Variants in COL22A1 observed in about 807,000 individuals in gnomAD.
COL22A1 encodes the protein collagen alpha-1(XXII) chain.
COL22A1 carries 221 observed loss-of-function variants against 248.9 expected under a neutral mutation model. That is an observed-to-expected ratio of 0.89 (90% CI 0.80 to 0.99). The LOEUF (loss-of-function observed/expected upper bound fraction) is 0.99, where lower values mean the gene tolerates loss of function less well. Ranked by LOEUF, COL22A1 falls within the 50% of genes least tolerant of loss-of-function variation. COL22A1 has a pLI of 0.00. For missense variants in COL22A1, 2,240 were observed against 2,179.0 expected, an observed-to-expected ratio of 1.03 and a Z score of -0.56; for synonymous variants, 891 against 793.4, an observed-to-expected ratio of 1.12 and a Z score of -2.07.
intron 23 of COL22A1, among the ~76,000 whole-genome samples, chr8:138,736,553 A>T (rs1831125064): frequency 6.6e-6 from 1 of 152,020 alleles, no homozygotes; most frequent in Non-Finnish European, 1.5e-5. Context: ...CATCTATGAC[A>T]TGGGGACAAG....
chr8:138,661,379 T>A (rs182552547), intron 43 of COL22A1, among the ~76,000 whole-genome samples: 52 of 152,342 alleles, frequency 3.4e-4, no homozygotes, highest in Admixed American at 9.8e-4. Flanking sequence ...TAAATACCAC[T>A]GCTTACTAGT....
intron 3 of COL22A1, among the ~76,000 whole-genome samples, chr8:138,876,218 T>G (rs1329589546): frequency 6.6e-6 from 1 of 152,160 alleles, no homozygotes; most frequent in Non-Finnish European, 1.5e-5. Flanking sequence ...TGTCATGGCA[T>G]CCTTTAATCC....
At chr8:138,604,661 G>A (rs1189007171) in intron 59 of COL22A1, 73 bp downstream of exon 59, 11 of 1,340,068 alleles carry the variant, frequency 8.2e-6, no homozygotes, top group South Asian at 2.4e-5. Context: ...TCTAAGCCCA[G>A]GGCCTGAGCC....
intron 1 of COL22A1, among the ~76,000 whole-genome samples, chr8:138,893,687 C>G (rs556637867): frequency 6.6e-6 from 1 of 152,286 alleles, no homozygotes; most frequent in East Asian, 1.9e-4. Flanking sequence ...ATTCAGAGAA[C>G]TGGGTTGATG....
chr8:138,606,110 G>A lies in COL22A1; in HGVS notation c.4104+271C>T, dbSNP rs183260879. Among the ~76,000 whole-genome samples the A allele has an allele frequency of 5.3e-5, 8 of 152,232 alleles. No homozygotes were observed. In the East Asian group the frequency reaches 5.8e-4, roughly 11 times the overall value. ...AGAAGTAGATGCTGTCGTTATCCTC[G>A]TTTGCATAATGAGACAGCTAAAGCA... On this transcript the variant is annotated intron_variant, in intron 58 of 64. Transcript: ENST00000303045.
intron 1 of COL22A1, among the ~76,000 whole-genome samples, chr8:138,890,293 A>G (rs1824965869): frequency 6.6e-6 from 1 of 152,230 alleles, no homozygotes; most frequent in Admixed American, 6.5e-5. Flanking sequence ...ATGGTGAAAG[A>G]CTGAAAGTTT....
At chr8:138,782,048 A>T (rs1815057904) in intron 12 of COL22A1, among the ~76,000 whole-genome samples, 1 of 152,278 alleles carries the variant, frequency 6.6e-6, no homozygotes, top group Admixed American at 6.5e-5. Flanking sequence ...TTTTATCTAC[A>T]AACATGCAGG....
chr8:138,625,023 G>A (rs996961530), intron 51 of COL22A1, among the ~76,000 whole-genome samples: 5 of 152,146 alleles, frequency 3.3e-5, no homozygotes, highest in African/African-American at 9.7e-5. Context: ...TCAATGTTAC[G>A]TCCTCAGATC....
At chr8:138,755,246 CT>C (rs1832904576) in intron 20 of COL22A1, 36 bp from the exon 21 acceptor site, 2 of 1,606,856 alleles carry the variant, frequency 1.2e-6, no homozygotes, top group Non-Finnish European at 1.7e-6. Flanking sequence ...TTAGTCATGA[CT>C]TTTCCCCCAT....
At position 138,778,401 on chromosome 8, in the gene COL22A1, G is replaced by T. The variant is rs935600108; in HGVS notation, c.1710C>A (p.Pro570=). ...GLPGEVGMRG[P]QGPPGLPGPP... is the part of the protein sequence containing the mutation. ...GTCCGGGGAGTCCAGGTGGTCCTTG[G>T]GGCCCCTGCAGAAGAGCATTTACAG... The change falls in exon 15 of 65, where the codon CCC becomes CCA. Residue 570 remains proline (P), a synonymous_variant. Coordinates refer to ENST00000303045, the MANE Select transcript of COL22A1 (RefSeq NM_152888.3). The T allele has an allele frequency of 1.9e-6, 3 of 1,600,858 alleles. No individual in the cohort carries two copies. Among genetic ancestry groups the T allele is most frequent in the Admixed American group, 3.5e-5 (2 of 56,438 alleles).
At position 138,660,633 on chromosome 8, in the gene COL22A1, C is replaced by T. The variant is rs113061935; in HGVS notation, c.3241-153G>A. Among the ~76,000 whole-genome samples the T allele has an allele frequency of 4.6e-3, 702 of 152,248 alleles. 5 individuals are homozygous for T. Among genetic ancestry groups the T allele is most frequent in the African/African-American group, 0.015 (640 of 41,536 alleles). ...ATGAGGATTGGCACCAATAAAAATG[C>T]GTGGTTTCTAATCTCAGCTGAATAC... On this transcript the variant is annotated intron_variant, in intron 43 of 64. Coordinates refer to ENST00000303045, the MANE Select transcript of COL22A1 (RefSeq NM_152888.3).
intron 1 of COL22A1, among the ~76,000 whole-genome samples, chr8:138,896,202 T>C (rs543949286): frequency 6.6e-6 from 1 of 152,310 alleles, no homozygotes; most frequent in South Asian, 2.1e-4. Flanking sequence ...TTAACATGGA[T>C]AAAAATAAGG....
Position 138,898,751 on chromosome 8 carries a change from C to G in COL22A1, c.-73+14868G>C, listed in dbSNP as rs34794865. On this transcript the variant is annotated intron_variant, in intron 1 of 64. Transcript: ENST00000303045. ...CTGTAGCCCTATCAGATCTCCCACC[C>G]CAGCACACTGCAGGTCTGCCAATAC... is the stretch of plus-strand genomic sequence containing the variant. Among the ~76,000 whole-genome samples the G allele has an allele frequency of 4.6e-5, 7 of 152,112 alleles. No individual in the cohort carries two copies. In the East Asian group the frequency reaches 1.4e-3, roughly 29 times the overall value.
intron 50 of COL22A1, among the ~76,000 whole-genome samples, chr8:138,629,466 T>C (rs1196271450): frequency 2.0e-5 from 3 of 152,226 alleles, no homozygotes; most frequent in Non-Finnish European, 2.9e-5. Context: ...GTATATTTTA[T>C]ATTTTATTCA....
At chr8:138,789,478 C>A (rs116657052) in intron 12 of COL22A1, among the ~76,000 whole-genome samples, 1 of 152,024 alleles carries the variant, frequency 6.6e-6, no homozygotes, top group Non-Finnish European at 1.5e-5. Flanking sequence ...AGAAAAGGAC[C>A]CAGAGCTAGA....
intron 30 of COL22A1, among the ~76,000 whole-genome samples, chr8:138,713,073 A>G (rs1829133709): frequency 6.6e-6 from 1 of 152,216 alleles, no homozygotes; most frequent in African/African-American, 2.4e-5. Flanking sequence ...TTTAGAGCCC[A>G]ACTGTCTGGA....
chr8:138,606,511 T>C (rs4471041), intron 57 of COL22A1, 59 bp from the exon 58 acceptor site: 1,139,973 of 1,543,590 alleles, frequency 0.74, 427,901 homozygotes, highest in Middle Eastern at 0.78. Flanking sequence ...CAAGCAGATT[T>C]GGAAACCTTG....
At chr8:138,688,796 T>A (rs1587864748) in intron 37 of COL22A1, 121 bp downstream of exon 37, 1 of 786,036 alleles carries the variant, frequency 1.3e-6, no homozygotes, top group East Asian at 2.5e-5. Flanking sequence ...CCCTCCTACT[T>A]AGTAAACCCC....
intron 21 of COL22A1, among the ~76,000 whole-genome samples, chr8:138,752,154 G>A (rs902508912): frequency 4.6e-5 from 7 of 152,102 alleles, no homozygotes; most frequent in African/African-American, 9.7e-5. Flanking sequence ...GAGCAGTTAT[G>A]AATGGGTTCT....
Sources: gnomAD v4.1 joint callset for allele counts (sites outside exome capture counted in the v4.1 genomes callset) on GRCh38, gnomAD v4.1.1 for gene constraint, MANE v1.5 for transcripts, NCBI Gene and HGNC (gene_info 2026-07-23, HGNC 2026-07-21) for gene names.